The following CLPB variants were observed in gnomAD, a reference collection of about 807,000 sequenced individuals.
CLPB encodes mitochondrial disaggregase.
Under a neutral mutation model 78.4 loss-of-function variants are expected in CLPB, and 40 were observed. The ratio of observed to expected loss-of-function variants is 0.51; its 90% CI spans 0.40 to 0.66. CLPB has a LOEUF of 0.66. CLPB is among the 30% of genes least tolerant of loss of function. The pLI, the probability that CLPB is intolerant of heterozygous loss-of-function variation, is 0.00. For synonymous variants in CLPB, 333 were observed against 348.0 expected, an observed-to-expected ratio of 0.96 and a Z score of 0.48; for missense variants, 780 against 886.9, an observed-to-expected ratio of 0.88 and a Z score of 1.53.
At chr11:72,327,690 A>C (rs1010642303) in intron 6 of CLPB, among the ~76,000 whole-genome samples, 1 of 152,206 alleles carries the variant, frequency 6.6e-6, no homozygotes, top group Non-Finnish European at 1.5e-5. Flanking sequence ...GGCAAAAGCC[A>C]CTGGGCTTGA....
chr11:72,386,231 C>T (rs1420127211), intron 3 of CLPB, among the ~76,000 whole-genome samples: 1 of 152,032 alleles, frequency 6.6e-6, no homozygotes, highest in East Asian at 1.9e-4. Flanking sequence ...GATTACTAGT[C>T]AGGATGAATT....
intron 2 of CLPB, among the ~76,000 whole-genome samples, chr11:72,414,815 G>A (rs569331289): frequency 6.6e-6 from 1 of 152,328 alleles, no homozygotes; most frequent in South Asian, 2.1e-4. Context: ...GTTCAAAAGA[G>A]CTCACATTTC....
intron 6 of CLPB, among the ~76,000 whole-genome samples, chr11:72,321,748 G>C (rs968133060): frequency 6.6e-6 from 1 of 152,198 alleles, no homozygotes; most frequent in Non-Finnish European, 1.5e-5. Flanking sequence ...GGGAAGAGAA[G>C]AGAGGCCAAG....
intron 9 of CLPB, among the ~76,000 whole-genome samples, chr11:72,304,521 C>G (rs1395583922): frequency 2.6e-5 from 4 of 152,174 alleles, no homozygotes; most frequent in Non-Finnish European, 5.9e-5. Context: ...TCACAGAACA[C>G]CATTAAGGTT....
At chr11:72,347,620 A>C (rs1950540345) in intron 5 of CLPB, among the ~76,000 whole-genome samples, 1 of 152,212 alleles carries the variant, frequency 6.6e-6, no homozygotes, top group Non-Finnish European at 1.5e-5. Flanking sequence ...AGTATTAACT[A>C]TTCAAAAACA....
At chr11:72,305,229 T>C (rs1949725099) in intron 9 of CLPB, among the ~76,000 whole-genome samples, 1 of 152,242 alleles carries the variant, frequency 6.6e-6, no homozygotes, top group South Asian at 2.1e-4. Context: ...TCTGGTTTTA[T>C]TTCTTCCCCT....
At chr11:72,336,281 G>A (rs956182584) in intron 5 of CLPB, among the ~76,000 whole-genome samples, 9 of 151,980 alleles carry the variant, frequency 5.9e-5, no homozygotes, top group East Asian at 1.9e-4. Context: ...TAAATGTGTC[G>A]GCCTATTATG....
At chr11:72,422,863 T>C (rs1856250959) in intron 2 of CLPB, among the ~76,000 whole-genome samples, 1 of 152,198 alleles carries the variant, frequency 6.6e-6, no homozygotes, top group South Asian at 2.1e-4. Context: ...ATGCTGTAAC[T>C]AAGTACATTC....
chr11:72,383,714 T>G (rs2135685441), intron 3 of CLPB, among the ~76,000 whole-genome samples: 1 of 152,002 alleles, frequency 6.6e-6, no homozygotes, highest in South Asian at 2.1e-4. Context: ...CCCTGCCAAC[T>G]AAGAAGACTA....
intron 3 of CLPB, among the ~76,000 whole-genome samples, chr11:72,399,538 AC>A (rs1233925478): frequency 6.6e-6 from 1 of 152,210 alleles, no homozygotes; most frequent in Non-Finnish European, 1.5e-5. Context: ...CCTATTCAAA[AC>A]CAAATAAAAT....
At chr11:72,383,275 A>C (rs1854971677) in intron 3 of CLPB, among the ~76,000 whole-genome samples, 1 of 152,060 alleles carries the variant, frequency 6.6e-6, no homozygotes, top group South Asian at 2.1e-4. Context: ...CTGTAATCCC[A>C]GCACTTTGGG....
intron 4 of CLPB, among the ~76,000 whole-genome samples, chr11:72,361,317 G>A (rs1950833859): frequency 6.6e-6 from 1 of 152,196 alleles, no homozygotes; most frequent in South Asian, 2.1e-4. Flanking sequence ...TCCTGGAGCA[G>A]GAAGAACAGG....
chr11:72,364,923 A>G (rs1950914835), intron 4 of CLPB, among the ~76,000 whole-genome samples: 1 of 152,230 alleles, frequency 6.6e-6, no homozygotes, highest in Non-Finnish European at 1.5e-5. Flanking sequence ...TAAAAAATGG[A>G]CAAAGGACTG....
At chr11:72,348,059 C>T (rs1183493077) in intron 5 of CLPB, among the ~76,000 whole-genome samples, 3 of 152,208 alleles carry the variant, frequency 2.0e-5, no homozygotes, top group Non-Finnish European at 4.4e-5. Flanking sequence ...TCCAGTGAAA[C>T]CCATTTCAGA....
At chr11:72,319,312 A>G (rs549585037) in intron 6 of CLPB, among the ~76,000 whole-genome samples, 1 of 152,186 alleles carries the variant, frequency 6.6e-6, no homozygotes, top group African/African-American at 2.4e-5. Context: ...ATTTCTCTCT[A>G]TAGTTCCAGT....
At chr11:72,364,306 C>T (rs1950899600) in intron 4 of CLPB, among the ~76,000 whole-genome samples, 1 of 152,046 alleles carries the variant, frequency 6.6e-6, no homozygotes, top group Admixed American at 6.6e-5. Context: ...TGCAACAATC[C>T]AAGTGATTCT....
chr11:72,396,550 C>T (rs181217613), intron 3 of CLPB, among the ~76,000 whole-genome samples: 52 of 152,314 alleles, frequency 3.4e-4, no homozygotes, highest in African/African-American at 1.2e-3. Flanking sequence ...GTGGGAGAGG[C>T]AAGCTCCCAG....
chr11:72,315,861 A>T (rs1174504435), intron 7 of CLPB, among the ~76,000 whole-genome samples: 3 of 152,108 alleles, frequency 2.0e-5, no homozygotes, highest in Non-Finnish European at 4.4e-5. Context: ...GACCTGCTTC[A>T]GTTTGAGGTC....
rs1359392286 is a variant in CLPB at position 72,391,822 on chromosome 11, C to A, written c.542+11144G>T. ...CATGGAACTCCCTTTGGAGCCACAGCCAAATTAATTTGCTGATCAGGCTGT... is the reference window on the plus strand; with the variant it reads ...CATGGAACTCCCTTTGGAGCCACAGACAAATTAATTTGCTGATCAGGCTGT... On this transcript the variant is annotated intron_variant, in intron 3 of 15. Transcript: ENST00000538039. Among the ~76,000 whole-genome samples, 3 of 152,298 alleles carry A rather than the reference C, an allele frequency of 2.0e-5. No individual in the cohort carries two copies. The East Asian group carries it at 5.8e-4, about 29-fold the overall frequency.
Sources: gnomAD v4.1 joint callset for allele counts (sites outside exome capture counted in the v4.1 genomes callset) on GRCh38, gnomAD v4.1.1 for gene constraint, MANE v1.5 for transcripts, NCBI Gene and HGNC (gene_info 2026-07-23, HGNC 2026-07-21) for gene names.